Variants in EDA2R observed in about 807,000 individuals in gnomAD.
EDA2R encodes the protein ectodysplasin A2 receptor, also known as tumor necrosis factor receptor superfamily member 27.
EDA2R carries 26 observed loss-of-function variants against 20.1 expected under a neutral mutation model. The observed-to-expected ratio is 1.30, with a 90% CI of 0.95 to 1.80. EDA2R has a LOEUF of 1.80. Ranked by LOEUF, EDA2R falls within the 40% of genes most tolerant of loss-of-function variation. The pLI is 0.00. For missense variants in EDA2R, 277 were observed against 228.7 expected, an observed-to-expected ratio of 1.21 and a Z score of -1.36; for synonymous variants, 114 against 88.7, an observed-to-expected ratio of 1.29 and a Z score of -1.60.
Position 66,615,991 on chromosome X carries a change from G to A in EDA2R, c.30C>T (p.Asp10=), listed in dbSNP as rs1168682051. 3.3e-6 allele frequency: 4 copies of A among 1,210,155 alleles called. No individual in the cohort carries two copies. In the South Asian group the frequency reaches 7.0e-5, roughly 21 times the overall value. Residue 10 remains aspartate, a synonymous_variant, in exon 2 of 7, where the codon GAC becomes GAT. Coordinates refer to ENST00000374719, the MANE Select transcript of EDA2R (RefSeq NM_021783.5). MDCQENEYW[D]QWGRCVTCQR... The stretch of plus-strand genomic sequence containing the variant: ...GGCAGGTGACACACCGTCCCCATTG[G>A]TCCCAGTACTCATTTTCTTGGCAAT...
chrX:66,623,069 T>A (rs1932800309), intron 1 of EDA2R, among the ~76,000 whole-genome samples: 1 of 111,745 alleles, frequency 8.9e-6, no homozygotes, highest in Non-Finnish European at 1.9e-5. Context: ...TGCCAAAAAA[T>A]AGTGACACCT....
At chrX:66,599,905 G>A in intron 5 of EDA2R, 45 bp from the exon 6 acceptor site, 1 of 1,176,503 alleles carries the variant, frequency 8.5e-7, no homozygotes, top group Non-Finnish European at 1.1e-6. Flanking sequence ...AAAAGCAGGG[G>A]CTCTTCTCAG....
In EDA2R at chrX:66,612,183, T is replaced by C. The variant is rs140169584; in HGVS notation, c.87+3751A>G. 8.5e-3 allele frequency among the ~76,000 whole-genome samples: 947 copies of C among 110,998 alleles called. 7 individuals are homozygous for C. The highest frequency in any genetic ancestry group is 0.015 in the Non-Finnish European group (778 of 52,845). ...ACCCTTAAATAATTCTAAAGAGAGT[T>C]CATAAAACACAAATGAAATGATTTA... On this transcript the variant is annotated intron_variant, in intron 2 of 6. Coordinates refer to ENST00000374719, the MANE Select transcript of EDA2R (RefSeq NM_021783.5).
intron 5 of EDA2R, among the ~76,000 whole-genome samples, chrX:66,602,130 C>T (rs1223751922): frequency 9.0e-6 from 1 of 111,281 alleles, no homozygotes; most frequent in African/African-American, 3.3e-5. Context: ...TTATTACAGT[C>T]GTATCTCAGA....
intron 5 of EDA2R, among the ~76,000 whole-genome samples, chrX:66,600,363 C>T (rs948055188): frequency 2.7e-5 from 3 of 111,645 alleles, no homozygotes; most frequent in South Asian, 3.8e-4. Flanking sequence ...GAACTCAACT[C>T]ATCATTGCTA....
chrX:66,617,163 C>T (rs190054993), intron 1 of EDA2R, among the ~76,000 whole-genome samples: 11 of 111,944 alleles, frequency 9.8e-5, no homozygotes, highest in South Asian at 3.7e-4. Context: ...TCAGAAGAGA[C>T]GAGAGTGTAC....
intron 2 of EDA2R, among the ~76,000 whole-genome samples, chrX:66,614,585 G>T (rs895489824): frequency 8.9e-6 from 1 of 111,996 alleles, no homozygotes; most frequent in Non-Finnish European, 1.9e-5. Flanking sequence ...TTGGTACTGG[G>T]ATCCTTTATC....
At chrX:66,615,567 T>A (rs947918143) in intron 2 of EDA2R, among the ~76,000 whole-genome samples, 2 of 111,423 alleles carry the variant, frequency 1.8e-5, no homozygotes, top group Non-Finnish European at 3.8e-5. Context: ...AGAACAGAGG[T>A]CTTCTTGGCT....
intron 2 of EDA2R, among the ~76,000 whole-genome samples, chrX:66,615,267 T>C (rs1020688127): frequency 8.9e-6 from 1 of 111,928 alleles, no homozygotes; most frequent in Non-Finnish European, 1.9e-5. Flanking sequence ...AAAAATTGCA[T>C]AAAATAGAGT....
rs144036451 is a variant in EDA2R at position 66,615,981 on chromosome X, G to A, written c.40C>T (p.Arg14Trp). 1.7e-4 allele frequency: 206 copies of A among 1,208,104 alleles called. No individual in the cohort carries two copies. Among genetic ancestry groups the A allele is most frequent in the Middle Eastern group, 2.3e-4 (1 of 4,332 alleles). Reference sequence around the variant, plus strand: ...CCACACCGTTGGCAGGTGACACACCGTCCCCATTGGTCCCAGTACTCATTT... The same window carrying A: ...CCACACCGTTGGCAGGTGACACACCATCCCCATTGGTCCCAGTACTCATTT... ...QENEYWDQWGRCVTCQRCGPG... is the reference protein window; with the variant it reads ...QENEYWDQWGWCVTCQRCGPG... The change falls in exon 2 of 7, where the codon CGG becomes TGG. Residue 14 changes from arginine to tryptophan, a missense_variant. Transcript: ENST00000374719.
chrX:66,633,831 G>T (rs1934075990), intron 1 of EDA2R, among the ~76,000 whole-genome samples: 1 of 111,898 alleles, frequency 8.9e-6, no homozygotes, highest in South Asian at 3.8e-4. Context: ...TCCCAGTTGG[G>T]TATTGAATTC....
At chrX:66,606,592 A>G (rs1204523987) in intron 2 of EDA2R, among the ~76,000 whole-genome samples, 1 of 112,399 alleles carries the variant, frequency 8.9e-6, no homozygotes, top group African/African-American at 3.2e-5. Flanking sequence ...GAACTCTGGA[A>G]AACATTCAAA....
chrX:66,621,453 T>C (rs1407153825), intron 1 of EDA2R, among the ~76,000 whole-genome samples: 3 of 112,232 alleles, frequency 2.7e-5, no homozygotes, highest in Non-Finnish European at 5.6e-5. Flanking sequence ...TGTAAACAAA[T>C]GTTCCTAGCA....
chrX:66,597,963 G>A lies in EDA2R; in HGVS notation c.*141C>T, dbSNP rs1927758631. The stretch of plus-strand genomic sequence containing the variant: ...GGAGAATCAATCCTCTGGTGGGATG[G>A]GATAGGATATGCCCCATCTGTAGGG... On this transcript the variant is annotated 3_prime_UTR_variant, in exon 7 of 7. Transcript: ENST00000374719. 2.5e-6 allele frequency: 2 copies of A among 814,838 alleles called. No individual in the cohort carries two copies. Among genetic ancestry groups the A allele is most frequent in the Non-Finnish European group, 3.2e-6 (2 of 626,845 alleles). 67.2% of individuals were successfully genotyped at this position (814,838 alleles called of 1,213,427 possible).
rs867427085 is a variant in EDA2R, at chrX:66,616,042, G to A, written c.-10-12C>T. ...CCATGGTGGGAAGGCTGTGGGTAGA[G>A]AACACAAGAACTAGCAAGCTAGTGG... On this transcript the variant is annotated splice_polypyrimidine_tract_variant and intron_variant, in intron 1 of 6. Coordinates refer to ENST00000374719, the MANE Select transcript of EDA2R (RefSeq NM_021783.5). 8.8e-7 allele frequency: 1 copy of A among 1,130,041 alleles called. No individual in the cohort carries two copies. The allele number at this position is 1,130,041 out of a possible 1,213,427, so 93.1% of individuals were successfully genotyped here. A position where few individuals can be genotyped will look rare whatever the true frequency, so the allele number is the denominator to read the frequency against.
chrX:66,632,530 A>C lies in EDA2R; in HGVS notation c.-11+6465T>G, dbSNP rs192788609. On this transcript the variant is annotated intron_variant, in intron 1 of 6. Coordinates refer to ENST00000374719, the MANE Select transcript of EDA2R (RefSeq NM_021783.5). Reference sequence around the variant, plus strand: ...GGAAGAAGAAAGAGGAAGAAGAACCAAACATTGAGGGTCACTCATACTTGA... The same window carrying C: ...GGAAGAAGAAAGAGGAAGAAGAACCCAACATTGAGGGTCACTCATACTTGA... Among the ~76,000 whole-genome samples, 369 of 108,717 alleles carry C rather than the reference A, an allele frequency of 3.4e-3. 2 individuals carry two copies. The highest frequency in any genetic ancestry group is 6.1e-3 in the Non-Finnish European group (318 of 52,249). 94.4% of individuals were successfully genotyped at this position (108,717 alleles called of 115,157 possible). A position where few individuals can be genotyped will look rare whatever the true frequency, so the allele number is the denominator to read the frequency against.
intron 1 of EDA2R, among the ~76,000 whole-genome samples, chrX:66,617,473 C>T (rs1327904607): frequency 8.9e-6 from 1 of 111,798 alleles, no homozygotes; most frequent in African/African-American, 3.3e-5. Context: ...TTCTCATAGC[C>T]TTCATGACCA....
chrX:66,633,240 A>T (rs1934013796), intron 1 of EDA2R, among the ~76,000 whole-genome samples: 1 of 112,288 alleles, frequency 8.9e-6, no homozygotes. Flanking sequence ...AATACAACTT[A>T]GCAGACTGTA....
chrX:66,603,792 T>G (rs1354319412), intron 4 of EDA2R, among the ~76,000 whole-genome samples: 1 of 111,895 alleles, frequency 8.9e-6, no homozygotes, highest in Admixed American at 9.5e-5. Flanking sequence ...TTAAAACATC[T>G]GAAGCAAATA....
Sources: allele counts gnomAD v4.1 joint callset (sites outside exome capture counted in the v4.1 genomes callset), GRCh38; gene constraint gnomAD v4.1.1; transcripts MANE v1.5; gene names NCBI Gene and HGNC (gene_info 2026-07-23, HGNC 2026-07-21).